RBFOX1: variants seen among roughly 807,000 people sequenced by gnomAD.
The protein encoded by RBFOX1 is RNA binding protein fox-1 homolog 1.
In RBFOX1, 8 loss-of-function variants were observed where a neutral mutation model predicts 57.7. The observed-to-expected ratio is 0.14, with a 90% CI of 0.08 to 0.25. The LOEUF (loss-of-function observed/expected upper bound fraction) is 0.25. RBFOX1 is among the 10% of genes least tolerant of loss of function. The pLI, the probability that RBFOX1 is intolerant of heterozygous loss-of-function variation, is 1.00. For missense variants in RBFOX1, 611 were observed against 548.5 expected, an observed-to-expected ratio of 1.11 and a Z score of -1.14; for synonymous variants, 326 against 222.4, an observed-to-expected ratio of 1.47 and a Z score of -4.15.
chr16:6,920,782 C>G (rs997216382), intron 3 of RBFOX1, among the ~76,000 whole-genome samples: 1 of 152,156 alleles, frequency 6.6e-6, no homozygotes, highest in Non-Finnish European at 1.5e-5. Context: ...GTGTCTTCTC[C>G]TCCTCTTAGG....
chr16:6,853,052 C>T (rs373996229), intron 3 of RBFOX1, among the ~76,000 whole-genome samples: 1 of 152,238 alleles, frequency 6.6e-6, no homozygotes, highest in East Asian at 1.9e-4. Context: ...TGCCAGGCAA[C>T]CCAGAGACAG....
At chr16:7,153,178 A>C (rs961882325) in intron 4 of RBFOX1, among the ~76,000 whole-genome samples, 1 of 139,156 alleles carries the variant, frequency 7.2e-6, no homozygotes, top group Non-Finnish European at 1.5e-5. Flanking sequence ...CGTCTGTGTC[A>C]CTGGTGGACA....
rs143018647 is a variant in RBFOX1 at position 6,656,067 on chromosome 16, T to A, written c.-16+1417T>A. Among the ~76,000 whole-genome samples the A allele has an allele frequency of 3.3e-5, 5 of 152,348 alleles. No homozygotes were observed. In the South Asian group the frequency reaches 1.0e-3, roughly 32 times the overall value. On this transcript the variant is annotated intron_variant, in intron 3 of 15. Transcript: ENST00000550418. ...TGGCAAAGGAATTTCAATTCATGTT[T>A]GCATTCACCATGTGTTTGCATGCTG...
At chr16:5,736,218 C>T (rs372888474) in intron 3 of RBFOX1, among the ~76,000 whole-genome samples, 6 of 152,122 alleles carry the variant, frequency 3.9e-5, no homozygotes, top group African/African-American at 4.8e-5. Context: ...TGAGCAGTGT[C>T]GAAATGAACC....
chr16:5,684,963 A>C (rs554640607), intron 3 of RBFOX1, among the ~76,000 whole-genome samples: 48 of 152,336 alleles, frequency 3.2e-4, no homozygotes, highest in South Asian at 1.7e-3. Flanking sequence ...ACAGATAGAT[A>C]AAGTCACTAA....
At chr16:5,948,952 T>C (rs2059461066) in intron 4 of RBFOX1, among the ~76,000 whole-genome samples, 1 of 152,190 alleles carries the variant, frequency 6.6e-6, no homozygotes, top group South Asian at 2.1e-4. Flanking sequence ...TTTCGTATTA[T>C]TTTACCTGTT....
At chr16:6,439,168 T>G (rs780113831) in intron 2 of RBFOX1, among the ~76,000 whole-genome samples, 1 of 152,132 alleles carries the variant, frequency 6.6e-6, no homozygotes, top group Non-Finnish European at 1.5e-5. Context: ...TTGAAGTTTG[T>G]GTTGTCATGA....
chr16:7,694,317 C>G (rs529486759), intron 14 of RBFOX1, among the ~76,000 whole-genome samples: 46 of 152,250 alleles, frequency 3.0e-4, no homozygotes, highest in African/African-American at 1.1e-3. Context: ...TACCTTTTAT[C>G]AATGCTGCAG....
chr16:6,537,081 C>A (rs1439766847), intron 2 of RBFOX1, among the ~76,000 whole-genome samples: 1 of 152,134 alleles, frequency 6.6e-6, no homozygotes, highest in African/African-American at 2.4e-5. Context: ...GAAACATGCT[C>A]TAATGAATTT....
At chr16:6,348,841 C>T (rs1390137986) in intron 2 of RBFOX1, among the ~76,000 whole-genome samples, 5 of 152,106 alleles carry the variant, frequency 3.3e-5, no homozygotes, top group Admixed American at 2.0e-4. Context: ...TACAACTGAA[C>T]GTGAGATTTG....
intron 4 of RBFOX1, among the ~76,000 whole-genome samples, chr16:7,371,371 C>T (rs2097562398): frequency 6.6e-6 from 1 of 152,120 alleles, no homozygotes; most frequent in Non-Finnish European, 1.5e-5. Flanking sequence ...GGAAATGAAG[C>T]CCATCTCCAA....
intron 4 of RBFOX1, among the ~76,000 whole-genome samples, chr16:7,137,295 C>G (rs1214107891): frequency 6.6e-6 from 1 of 152,120 alleles, no homozygotes; most frequent in Non-Finnish European, 1.5e-5. Flanking sequence ...GCTGTGTCCC[C>G]AGCCAAATGT....
At chr16:5,721,192 T>G (rs1161286687) in intron 3 of RBFOX1, among the ~76,000 whole-genome samples, 1 of 152,250 alleles carries the variant, frequency 6.6e-6, no homozygotes, top group Non-Finnish European at 1.5e-5. Context: ...TTTTAAAGTT[T>G]AAGTTTATTC....
intron 3 of RBFOX1, among the ~76,000 whole-genome samples, chr16:6,873,013 G>T (rs2061213679): frequency 6.6e-6 from 1 of 151,840 alleles, no homozygotes. Context: ...AAGATAATTA[G>T]ATATACTGCA....
At chr16:7,424,965 A>C (rs1216824264) in intron 4 of RBFOX1, among the ~76,000 whole-genome samples, 1 of 152,232 alleles carries the variant, frequency 6.6e-6, no homozygotes. Flanking sequence ...AGCACCAAGA[A>C]GAATGTTATC....
intron 4 of RBFOX1, among the ~76,000 whole-genome samples, chr16:7,068,575 C>T (rs1598614471): frequency 6.6e-6 from 1 of 151,840 alleles, no homozygotes; most frequent in African/African-American, 2.4e-5. Context: ...CTCTTTGATA[C>T]TATTATTATT....
intron 3 of RBFOX1, among the ~76,000 whole-genome samples, chr16:6,757,326 T>C (rs1184968867): frequency 6.6e-6 from 1 of 152,068 alleles, no homozygotes; most frequent in African/African-American, 2.4e-5. Context: ...AAAATCAATA[T>C]CTGAAAGGAC....
At chr16:5,367,146 T>C (rs2065739733) in intron 1 of RBFOX1, among the ~76,000 whole-genome samples, 1 of 152,250 alleles carries the variant, frequency 6.6e-6, no homozygotes, top group Non-Finnish European at 1.5e-5. Flanking sequence ...GACAAATGAT[T>C]TTGTGTATAA....
intron 3 of RBFOX1, among the ~76,000 whole-genome samples, chr16:6,730,930 T>A (rs142310496): frequency 2.0e-5 from 3 of 152,208 alleles, no homozygotes; most frequent in Non-Finnish European, 2.9e-5. Flanking sequence ...CTTTGACAGG[T>A]TCCCCAGCTA....
Sources: gnomAD v4.1 joint callset for allele counts (sites outside exome capture counted in the v4.1 genomes callset) on GRCh38, gnomAD v4.1.1 for gene constraint, MANE v1.5 for transcripts, NCBI Gene and HGNC (gene_info 2026-07-23, HGNC 2026-07-21) for gene names.